The following PPP1R37 variants were observed in gnomAD, a reference collection of about 807,000 sequenced individuals.
The protein encoded by PPP1R37 is leucine rich repeat containing 68.
PPP1R37 carries 21 observed loss-of-function variants against 61.0 expected under a neutral mutation model. That is an observed-to-expected ratio of 0.34 (90% confidence interval 0.24 to 0.50). The LOEUF (loss-of-function observed/expected upper bound fraction) is 0.50. PPP1R37 is among the 20% of genes least tolerant of loss of function. The pLI, the probability that PPP1R37 is intolerant of heterozygous loss-of-function variation, is 0.98. For missense variants in PPP1R37, 910 were observed against 952.7 expected, an observed-to-expected ratio of 0.96 and a Z score of 0.59; for synonymous variants, 443 against 433.5, an observed-to-expected ratio of 1.02 and a Z score of -0.27.
intron 1 of PPP1R37, among the ~76,000 whole-genome samples, chr19:45,127,372 A>C (rs1160895898): frequency 1.3e-5 from 2 of 151,048 alleles, no homozygotes; most frequent in Non-Finnish European, 2.9e-5. Flanking sequence ...AAAAAAAAAA[A>C]AAAACCCTAG....
At chr19:45,095,187 G>A (rs959237205) in intron 1 of PPP1R37, among the ~76,000 whole-genome samples, 2 of 152,138 alleles carry the variant, frequency 1.3e-5, no homozygotes, top group Non-Finnish European at 1.5e-5. Context: ...TGACAGTTTG[G>A]CTACTTATTA....
chr19:45,124,447 A>G (rs1188076188), intron 1 of PPP1R37, among the ~76,000 whole-genome samples: 3 of 151,980 alleles, frequency 2.0e-5, no homozygotes, highest in Non-Finnish European at 4.4e-5. Context: ...AAATTCTCCC[A>G]AGAGAGGTCC....
chr19:45,132,215 GCCCACCC>G (rs144793781), intron 1 of PPP1R37, among the ~76,000 whole-genome samples: 5,187 of 152,182 alleles, frequency 0.034, 293 homozygotes, highest in African/African-American at 0.12. Flanking sequence ...TCACACACGT[GCCCACCC>G]CCACATACTT....
rs138077702 is a variant in PPP1R37, at chr19:45,127,241, C to G, written c.203-11273C>G. Among the ~76,000 whole-genome samples, 1,165 of 150,414 alleles carry G rather than the reference C, an allele frequency of 7.7e-3. 17 individuals carry two copies. The highest frequency in any genetic ancestry group is 0.027 in the African/African-American group (1,114 of 40,932). The stretch of plus-strand genomic sequence containing the variant: ...GCGTGTGCCTGTAATCTCAGCTACT[C>G]GGAAGGCTGAGGCAGGAGGAGAATC... On this transcript the variant is annotated intron_variant, in intron 1 of 12. Transcript: ENST00000221462.
chr19:45,143,702 A>G, intron 8 of PPP1R37, 69 bp downstream of exon 8: 1 of 911,256 alleles, frequency 1.1e-6, no homozygotes, highest in Non-Finnish European at 1.7e-6. Flanking sequence ...AGCTCTCAGC[A>G]CAGTTGCCTC....
Position 45,145,828 on chromosome 19 carries a change from C to CAAG in PPP1R37, c.1772_1773insAAG (p.Ser591dup). 1 of 1,228,470 alleles carries CAAG rather than the reference C, an allele frequency of 8.1e-7. No individual in the cohort carries two copies. The highest frequency in any genetic ancestry group is 1.1e-6 in the Non-Finnish European group (1 of 907,522). The allele number at this position is 1,228,470 out of a possible 1,614,324, so 76.1% of individuals were successfully genotyped here. ...CCCCCTGCGTCCCCCACCCCTCCCTCTCCCCCACCCCCTCCCTCCCCACCC... is the reference window on the plus strand; with the variant it reads ...CCCCCTGCGTCCCCCACCCCTCCCTCAAGTCCCCCACCCCCTCCCTCCCCACCC... On this transcript the variant is annotated inframe_insertion, in exon 11 of 13. Transcript: ENST00000221462.
intron 1 of PPP1R37, chr19:45,135,914 C>T (rs1165598850): frequency 3.3e-5 from 5 of 151,728 alleles, no homozygotes; most frequent in African/African-American, 1.2e-4. Flanking sequence ...TCCCGAGTAA[C>T]TGAGACTACA....
At chr19:45,107,138 G>C (rs1402217010) in intron 1 of PPP1R37, among the ~76,000 whole-genome samples, 1 of 151,268 alleles carries the variant, frequency 6.6e-6, no homozygotes, top group Non-Finnish European at 1.5e-5. Context: ...CTTTTTATGT[G>C]CTTGCTGAAC....
At position 45,130,067 on chromosome 19, in the gene PPP1R37, A is replaced by G. The variant is rs1437648780; in HGVS notation, c.203-8447A>G. On this transcript the variant is annotated intron_variant, in intron 1 of 12. Coordinates refer to ENST00000221462, the MANE Select transcript of PPP1R37 (RefSeq NM_019121.2). The surrounding 1 kb of genome is among the most constrained non-coding windows in gnomAD (Gnocchi z 4.4). ...CACAGGACCTAACCAGCAGGGTGCCAAGCAGGGGGATGCCTGGGCTGCAGG... is the reference window on the plus strand; with the variant it reads ...CACAGGACCTAACCAGCAGGGTGCCGAGCAGGGGGATGCCTGGGCTGCAGG... 2.0e-5 allele frequency among the ~76,000 whole-genome samples: 3 copies of G among 152,114 alleles called. No homozygotes were observed. Among genetic ancestry groups the G allele is most frequent in the Admixed American group, 6.5e-5 (1 of 15,274 alleles).
At chr19:45,144,524 C>T (rs1428786470) in intron 8 of PPP1R37, 1 of 341,286 alleles carries the variant, frequency 2.9e-6, no homozygotes, top group African/African-American at 2.1e-5. Context: ...GTGCTCAAAC[C>T]CCGGGATAAG....
At position 45,130,397 on chromosome 19, in the gene PPP1R37, C is replaced by T. The variant is rs1027271212; in HGVS notation, c.203-8117C>T. On this transcript the variant is annotated intron_variant, in intron 1 of 12. Transcript: ENST00000221462. The surrounding 1 kb of genome is among the most constrained non-coding windows in gnomAD (Gnocchi z 4.4). Reference sequence around the variant, plus strand: ...TCCTCACCAGGGTCCACGGGGTCACCGTCCCACATCATCCCCAGTGCTCCC... The same window carrying T: ...TCCTCACCAGGGTCCACGGGGTCACTGTCCCACATCATCCCCAGTGCTCCC... Among the ~76,000 whole-genome samples the T allele has an allele frequency of 3.9e-5, 6 of 152,154 alleles. No individual in the cohort carries two copies. The highest frequency in any genetic ancestry group is 8.8e-5 in the Non-Finnish European group (6 of 68,026).
intron 1 of PPP1R37, among the ~76,000 whole-genome samples, chr19:45,123,218 C>T (rs1968362573): frequency 6.6e-6 from 1 of 152,120 alleles, no homozygotes; most frequent in Admixed American, 6.5e-5. Context: ...GGGCCACTGC[C>T]TATTGGAGGC....
chr19:45,143,463 C>T, intron 7 of PPP1R37, 58 bp from the exon 8 acceptor site: 1 of 1,048,718 alleles, frequency 9.5e-7, no homozygotes, highest in Non-Finnish European at 1.4e-6. Flanking sequence ...ACCCTGCAGT[C>T]CCCTCCCCAG....
intron 1 of PPP1R37, among the ~76,000 whole-genome samples, chr19:45,094,651 C>G (rs1302028552): frequency 6.6e-6 from 1 of 151,952 alleles, no homozygotes; most frequent in Admixed American, 6.6e-5. Context: ...TCGTTTGAAC[C>G]CGGGAGGTGG....
chr19:45,114,764 A>G (rs1019685239), intron 1 of PPP1R37, among the ~76,000 whole-genome samples: 2 of 98,810 alleles, frequency 2.0e-5, no homozygotes, highest in Admixed American at 9.2e-5. Flanking sequence ...CTGGGCAACA[A>G]GTGAGACCCC....
chr19:45,101,839 G>C lies in PPP1R37; in HGVS notation c.202+8312G>C, dbSNP rs189190402. Among the ~76,000 whole-genome samples, 175 of 152,380 alleles carry C rather than the reference G, an allele frequency of 1.1e-3. 1 individual carries two copies. Among genetic ancestry groups the C allele is most frequent in the African/African-American group, 4.1e-3 (170 of 41,598 alleles). Reference sequence around the variant, plus strand: ...GCCGTGAGCCAGGAGCCCGGAGGCTGTAGGCTTGGCGTAGCCTCATATTGG... The same window carrying C: ...GCCGTGAGCCAGGAGCCCGGAGGCTCTAGGCTTGGCGTAGCCTCATATTGG... On this transcript the variant is annotated intron_variant, in intron 1 of 12. Coordinates refer to ENST00000221462, the MANE Select transcript of PPP1R37 (RefSeq NM_019121.2).
At position 45,121,557 on chromosome 19, in the gene PPP1R37, C is replaced by G. The variant is rs1968342526; in HGVS notation, c.203-16957C>G. Among the ~76,000 whole-genome samples the G allele has an allele frequency of 6.6e-6, 1 of 152,234 alleles. No homozygotes were observed. Among genetic ancestry groups the G allele is most frequent in the Non-Finnish European group, 1.5e-5 (1 of 68,038 alleles). The stretch of plus-strand genomic sequence containing the variant: ...TTAGAGGCAGGAAGAGCCTTTTCTA[C>G]CCAGGAAACCTGACCAGTGCCACGC... On this transcript the variant is annotated intron_variant, in intron 1 of 12. Coordinates refer to ENST00000221462, the MANE Select transcript of PPP1R37 (RefSeq NM_019121.2). The surrounding 1 kb of genome is among the most constrained non-coding windows in gnomAD (Gnocchi z 4.2).
intron 1 of PPP1R37, among the ~76,000 whole-genome samples, chr19:45,107,487 CCAG>C (rs1428085356): frequency 5.3e-5 from 8 of 152,072 alleles, no homozygotes; most frequent in Admixed American, 2.6e-4. Flanking sequence ...GCCTGTAGTC[CCAG>C]CTACCTGGGA....
intron 1 of PPP1R37, among the ~76,000 whole-genome samples, chr19:45,127,352 CA>C (rs11295552): frequency 0.31 from 21,702 of 70,138 alleles, 1,347 homozygotes; most frequent in Non-Finnish European, 0.4. Context: ...AACTCCATCT[CA>C]AAAAAAAAAA....
Sources: gnomAD v4.1 joint callset for allele counts (sites outside exome capture counted in the v4.1 genomes callset) on GRCh38, gnomAD v4.1.1 for gene constraint, Gnocchi (gnomAD v3.1) non-coding constraint, MANE v1.5 for transcripts, NCBI Gene and HGNC (gene_info 2026-07-23, HGNC 2026-07-21) for gene names.